Variants in WWP1 observed in about 807,000 individuals in gnomAD.
WWP1 encodes the protein WW domain containing E3 ubiquitin protein ligase 1, also known as NEDD4-like E3 ubiquitin-protein ligase WWP1.
A neutral mutation model predicts 130.6 loss-of-function variants in WWP1; 49 were observed. The ratio of observed to expected loss-of-function variants is 0.38; its 90% confidence interval spans 0.30 to 0.48. WWP1 has a LOEUF of 0.48. Among genes scored for constraint, WWP1 ranks in the 20% least tolerant of loss-of-function variants. WWP1 has a pLI of 0.99. For synonymous variants in WWP1, 332 were observed against 367.8 expected, an observed-to-expected ratio of 0.90 and a Z score of 1.11; for missense variants, 809 against 1,100.6, an observed-to-expected ratio of 0.74 and a Z score of 3.75.
chr8:86,424,632 G>A (rs1380570195), intron 9 of WWP1, among the ~76,000 whole-genome samples: 1 of 151,704 alleles, frequency 6.6e-6, no homozygotes, highest in Non-Finnish European at 1.5e-5. Context: ...GTGAAACCCC[G>A]TCTCCACCAA....
chr8:86,383,800 G>A (rs1049770968), intron 5 of WWP1, among the ~76,000 whole-genome samples: 12 of 152,060 alleles, frequency 7.9e-5, no homozygotes, highest in Admixed American at 4.6e-4. Flanking sequence ...AGTAGGATAC[G>A]GATATGCTCA....
intron 21 of WWP1, among the ~76,000 whole-genome samples, chr8:86,455,655 G>A (rs1811401917): frequency 6.6e-6 from 1 of 151,816 alleles, no homozygotes; most frequent in Non-Finnish European, 1.5e-5. Flanking sequence ...AATTAAGGAA[G>A]ACCTAAATAA....
chr8:86,440,942 C>A (rs1810561976), intron 17 of WWP1, among the ~76,000 whole-genome samples: 1 of 152,168 alleles, frequency 6.6e-6, no homozygotes, highest in African/African-American at 2.4e-5. Flanking sequence ...TTAGGCTCTG[C>A]TAGCTCATCT....
At chr8:86,437,311 T>C (rs1314783989) in intron 16 of WWP1, among the ~76,000 whole-genome samples, 1 of 152,242 alleles carries the variant, frequency 6.6e-6, no homozygotes, top group African/African-American at 2.4e-5. Flanking sequence ...GTTTTTAAGT[T>C]ATACTAGCCT....
chr8:86,404,870 T>C (rs1414697550), intron 8 of WWP1, among the ~76,000 whole-genome samples: 1 of 152,224 alleles, frequency 6.6e-6, no homozygotes. Context: ...CCTATTCATT[T>C]TGATGTGTGT....
chr8:86,351,415 A>G (rs561014255), intron 1 of WWP1, among the ~76,000 whole-genome samples: 117 of 152,134 alleles, frequency 7.7e-4, no homozygotes, highest in African/African-American at 2.8e-3. Flanking sequence ...CATGGTTCAT[A>G]GCAGGCTTGA....
intron 7 of WWP1, among the ~76,000 whole-genome samples, 165 bp downstream of exon 7, chr8:86,398,803 T>C (rs540175013): frequency 6.6e-6 from 1 of 152,328 alleles, no homozygotes; most frequent in East Asian, 1.9e-4. Flanking sequence ...TTTAAAAAAT[T>C]ACAGCTTTAT....
chr8:86,399,404 G>A (rs1807847830), intron 7 of WWP1, among the ~76,000 whole-genome samples: 1 of 151,842 alleles, frequency 6.6e-6, no homozygotes, highest in African/African-American at 2.4e-5. Context: ...AATTTAAATT[G>A]GAATAAAATA....
At chr8:86,434,242 A>G (rs1810157527) in intron 14 of WWP1, among the ~76,000 whole-genome samples, 1 of 152,240 alleles carries the variant, frequency 6.6e-6, no homozygotes, top group African/African-American at 2.4e-5. Context: ...TCTCAATAAG[A>G]GTAAAAAGCA....
chr8:86,353,004 C>T (rs1271512206), intron 1 of WWP1, among the ~76,000 whole-genome samples: 1 of 152,170 alleles, frequency 6.6e-6, no homozygotes, highest in African/African-American at 2.4e-5. Flanking sequence ...GATTGCTTTT[C>T]ACTTAGCTAA....
intron 21 of WWP1, among the ~76,000 whole-genome samples, chr8:86,453,236 T>G (rs1361734154): frequency 6.6e-6 from 1 of 152,164 alleles, no homozygotes; most frequent in Non-Finnish European, 1.5e-5. Context: ...TTCTACTTTG[T>G]TTCTGTGAGT....
chr8:86,460,518 G>A (rs1051089597), intron 22 of WWP1, among the ~76,000 whole-genome samples: 20 of 152,232 alleles, frequency 1.3e-4, no homozygotes, highest in Admixed American at 1.3e-3. Flanking sequence ...AAAACCAGTG[G>A]CACACTATTT....
intron 9 of WWP1, among the ~76,000 whole-genome samples, chr8:86,414,453 G>T (rs1205007674): frequency 6.6e-6 from 1 of 152,140 alleles, no homozygotes; most frequent in Non-Finnish European, 1.5e-5. Context: ...ATAAGTTGTG[G>T]GGAGATAGAA....
At chr8:86,379,507 T>G (rs931619773) in intron 3 of WWP1, among the ~76,000 whole-genome samples, 2 of 152,158 alleles carry the variant, frequency 1.3e-5, no homozygotes, top group African/African-American at 4.8e-5. Context: ...CTTCCTCATC[T>G]CTGATCTAGG....
At position 86,342,823 on chromosome 8, in the gene WWP1, T is replaced by C; in HGVS notation, c.-222T>C. The C allele has an allele frequency of 2.7e-6, 1 of 367,386 alleles. No homozygotes were observed. The highest frequency in any genetic ancestry group is 4.9e-6 in the Non-Finnish European group (1 of 205,994). 22.8% of individuals were successfully genotyped at this position (367,386 alleles called of 1,614,324 possible). A position where few individuals can be genotyped will look rare whatever the true frequency, so the allele number is the denominator to read the frequency against. ...CCTGGGTGGCTGCTGCCGCCGCGCCTGCTGCGAGATGGCGATCTTGGGCGC... is the reference window on the plus strand; with the variant it reads ...CCTGGGTGGCTGCTGCCGCCGCGCCCGCTGCGAGATGGCGATCTTGGGCGC... On this transcript the variant is annotated 5_prime_UTR_variant, in exon 1 of 25. Coordinates refer to ENST00000517970, the MANE Select transcript of WWP1 (RefSeq NM_007013.4).
At chr8:86,378,764 G>A (rs181341003) in intron 3 of WWP1, among the ~76,000 whole-genome samples, 112 of 152,234 alleles carry the variant, frequency 7.4e-4, no homozygotes, top group African/African-American at 2.5e-3. Context: ...ATTTTGCCAA[G>A]TAAGGGTATT....
At chr8:86,415,252 G>T (rs1318255200) in intron 9 of WWP1, among the ~76,000 whole-genome samples, 1 of 152,060 alleles carries the variant, frequency 6.6e-6, no homozygotes, top group Non-Finnish European at 1.5e-5. Context: ...AATCAAGCCA[G>T]TTTCCCCACA....
intron 7 of WWP1, among the ~76,000 whole-genome samples, chr8:86,400,844 T>C (rs1807936189): frequency 1.3e-5 from 2 of 152,168 alleles, no homozygotes; most frequent in South Asian, 4.1e-4. Flanking sequence ...TGGCTGATTT[T>C]CAAAAGATTT....
intron 11 of WWP1, among the ~76,000 whole-genome samples, chr8:86,429,454 A>C (rs1281978513): frequency 1.3e-5 from 2 of 152,230 alleles, no homozygotes; most frequent in South Asian, 2.1e-4. Flanking sequence ...CATATACTTT[A>C]AGAAATTATT....
Sources: allele counts gnomAD v4.1 joint callset (sites outside exome capture counted in the v4.1 genomes callset), GRCh38; gene constraint gnomAD v4.1.1; transcripts MANE v1.5; gene names NCBI Gene and HGNC (gene_info 2026-07-23, HGNC 2026-07-21).